ZBTB7A: variants seen among roughly 807,000 people sequenced by gnomAD.
ZBTB7A encodes the protein zinc finger and BTB domain containing 7A.
In ZBTB7A, 7 loss-of-function variants were observed where a neutral mutation model predicts 26.7. The ratio of observed to expected loss-of-function variants is 0.26; its 90% CI spans 0.15 to 0.49. The LOEUF (loss-of-function observed/expected upper bound fraction) is 0.49. ZBTB7A is among the 20% of genes least tolerant of loss of function. ZBTB7A has a pLI of 0.98. For synonymous variants in ZBTB7A, 452 were observed against 441.0 expected, an observed-to-expected ratio of 1.02 and a Z score of -0.31; for missense variants, 617 against 919.5, an observed-to-expected ratio of 0.67 and a Z score of 4.25.
chr19:4,045,990 C>T lies in ZBTB7A; in HGVS notation c.*1762G>A. The T allele has an allele frequency of 2.5e-6, 1 of 398,868 alleles. No homozygotes were observed. The highest frequency in any genetic ancestry group is 4.4e-6 in the Non-Finnish European group (1 of 226,078). The allele number at this position is 398,868 out of a possible 1,614,324, so 24.7% of individuals were successfully genotyped here. On this transcript the variant is annotated 3_prime_UTR_variant, in exon 3 of 3. Transcript: ENST00000322357. This position sits in a 1 kb window ranked among gnomAD's most constrained non-coding sequence, Gnocchi z 4.1. Reference sequence around the variant, plus strand: ...CAGGGTAGGCGCATCCAAGGTCCAGCTCCTTGGTGGCCATGCGGGAGGGAC... The same window carrying T: ...CAGGGTAGGCGCATCCAAGGTCCAGTTCCTTGGTGGCCATGCGGGAGGGAC...
intron 1 of ZBTB7A, among the ~76,000 whole-genome samples, chr19:4,064,243 C>A (rs2040668074): frequency 6.6e-6 from 1 of 152,260 alleles, no homozygotes; most frequent in Non-Finnish European, 1.5e-5. Context: ...ACCCCCCGGA[C>A]TGACCCACGA....
intron 1 of ZBTB7A, among the ~76,000 whole-genome samples, chr19:4,059,449 C>T (rs1308432234): frequency 1.3e-5 from 2 of 152,144 alleles, no homozygotes; most frequent in Non-Finnish European, 2.9e-5. Context: ...CCCTAAATAT[C>T]ACTGAGGCCC....
At chr19:4,063,596 G>A (rs757902873) in intron 1 of ZBTB7A, among the ~76,000 whole-genome samples, 49 of 152,302 alleles carry the variant, frequency 3.2e-4, no homozygotes, top group Middle Eastern at 3.4e-3. Flanking sequence ...GTCATCTTCG[G>A]ACACAGGGTT....
Position 4,047,725 on chromosome 19 carries a change from C to T in ZBTB7A, c.*27G>A, listed in dbSNP as rs376824146. The T allele has an allele frequency of 6.4e-6, 10 of 1,573,688 alleles. No individual in the cohort carries two copies. In the African/African-American group the frequency reaches 9.7e-5, roughly 15 times the overall value. On this transcript the variant is annotated 3_prime_UTR_variant, in exon 3 of 3. Transcript: ENST00000322357. Reference sequence around the variant, plus strand: ...TCTCTCTCTCTGTCTCTCTCTTTCTCGGGTTTCTGTTTTCTCTTTTTGGTT... The same window carrying T: ...TCTCTCTCTCTGTCTCTCTCTTTCTTGGGTTTCTGTTTTCTCTTTTTGGTT...
rs2040372013 is a variant in ZBTB7A, at chr19:4,043,596, C to A, written c.*4156G>T. ...CCTGGCCCCTCCAAAGTCCAAGGCA[C>A]CTCGATTCTGGGCCTGGGGTGGGGT... On this transcript the variant is annotated 3_prime_UTR_variant, in exon 3 of 3. Transcript: ENST00000322357. Among the ~76,000 whole-genome samples, 1 of 151,760 alleles carries A rather than the reference C, an allele frequency of 6.6e-6. No individual in the cohort carries two copies. The highest frequency in any genetic ancestry group is 6.6e-5 in the Admixed American group (1 of 15,244).
intron 1 of ZBTB7A, chr19:4,065,877 G>C (rs2040691028): frequency 7.0e-6 from 1 of 143,594 alleles, no homozygotes. Flanking sequence ...CCGGCCCCCG[G>C]CGAGGGGAGC....
rs1243782557 is a variant in ZBTB7A at position 4,054,581 on chromosome 19, C to T, written c.652G>A (p.Asp218Asn). The change falls in exon 2 of 3, where the codon GAC becomes AAC. Residue 218 changes from aspartate to asparagine, a missense_variant. Coordinates refer to ENST00000322357, the MANE Select transcript of ZBTB7A (RefSeq NM_015898.4). ...AVAAGDCNGL[D>N]FYGPGPPAER... The stretch of plus-strand genomic sequence containing the variant: ...GCCGGGGGGCCCGGCCCATAGAAGT[C>T]TAAGCCGTTGCAGTCGCCCGCGGCC... 5.8e-6 allele frequency: 9 copies of T among 1,552,090 alleles called. No individual in the cohort carries two copies. The highest frequency in any genetic ancestry group is 7.8e-6 in the Non-Finnish European group (9 of 1,157,864).
rs1306284937 is a variant in ZBTB7A at position 4,052,767 on chromosome 19, C to T, written c.1262+1204G>A. On this transcript the variant is annotated intron_variant, in intron 2 of 2. Coordinates refer to ENST00000322357, the MANE Select transcript of ZBTB7A (RefSeq NM_015898.4). This position sits in a 1 kb window ranked among gnomAD's most constrained non-coding sequence, Gnocchi z 4.9. ...TCCTGAGACCGAATTGCAAACTGCC[C>T]GGGCCTGGCCTTGAACTCCTGCTGT... is the stretch of plus-strand genomic sequence containing the variant. Among the ~76,000 whole-genome samples the T allele has an allele frequency of 4.6e-5, 7 of 152,190 alleles. No homozygotes were observed. Among genetic ancestry groups the T allele is most frequent in the Non-Finnish European group, 7.3e-5 (5 of 68,034 alleles).
chr19:4,047,974 G>A lies in ZBTB7A; in HGVS notation c.1533C>T (p.Ser511=). Residue 511 remains serine (S), a synonymous_variant, in exon 3 of 3, where the codon AGC becomes AGT. Coordinates refer to ENST00000322357, the MANE Select transcript of ZBTB7A (RefSeq NM_015898.4). Reference sequence around the variant, plus strand: ...CGCCGGGGGTCGCGGTGGCCCCCGGGCTGGGGTCGGGCGCCCCGCCCCGGA... The same window carrying A: ...CGCCGGGGGTCGCGGTGGCCCCCGGACTGGGGTCGGGCGCCCCGCCCCGGA... The part of the protein sequence containing the change: ...PRVRGGAPDP[S]PGATATPGAP... 3 of 1,242,250 alleles carry A rather than the reference G, an allele frequency of 2.4e-6. No individual in the cohort carries two copies. The highest frequency in any genetic ancestry group is 4.9e-5 in the South Asian group (2 of 41,086). The allele number at this position is 1,242,250 out of a possible 1,614,324, so 77.0% of individuals were successfully genotyped here. A position where few individuals can be genotyped will look rare whatever the true frequency, so the allele number is the denominator to read the frequency against.
At chr19:4,055,955 C>T (rs1444392918) in intron 1 of ZBTB7A, among the ~76,000 whole-genome samples, 1 of 152,208 alleles carries the variant, frequency 6.6e-6, no homozygotes, top group Non-Finnish European at 1.5e-5. Context: ...TGAGGATAGC[C>T]AGATGTCCCG....
Position 4,048,348 on chromosome 19 carries a change from C to T in ZBTB7A, c.1263-104G>A. Reference sequence around the variant, plus strand: ...GGCAGGCCCTGGATCATCACCCTTGCAGAACACGGACCGTGCACCAGAGGT... The same window carrying T: ...GGCAGGCCCTGGATCATCACCCTTGTAGAACACGGACCGTGCACCAGAGGT... On this transcript the variant is annotated intron_variant, in intron 2 of 2. Transcript: ENST00000322357. The surrounding 1 kb of genome is among the most constrained non-coding windows in gnomAD (Gnocchi z 6.7). 8 of 1,390,240 alleles carry T rather than the reference C, an allele frequency of 5.8e-6. No homozygotes were observed. The highest frequency in any genetic ancestry group is 6.5e-6 in the Non-Finnish European group (7 of 1,073,316). 86.1% of individuals were successfully genotyped at this position (1,390,240 alleles called of 1,614,324 possible). A position where few individuals can be genotyped will look rare whatever the true frequency, so the allele number is the denominator to read the frequency against.
At position 4,052,180 on chromosome 19, in the gene ZBTB7A, G is replaced by A. The variant is rs943035517; in HGVS notation, c.1262+1791C>T. 6.6e-6 allele frequency among the ~76,000 whole-genome samples: 1 copy of A among 152,154 alleles called. No homozygotes were observed. Among genetic ancestry groups the A allele is most frequent in the Non-Finnish European group, 1.5e-5 (1 of 68,020 alleles). Reference sequence around the variant, plus strand: ...GGGTGGGATAGCCAGCAGTGCCCGAGTCAGAATGAAACCGGGCCTGTGGCC... The same window carrying A: ...GGGTGGGATAGCCAGCAGTGCCCGAATCAGAATGAAACCGGGCCTGTGGCC... On this transcript the variant is annotated intron_variant, in intron 2 of 2. Coordinates refer to ENST00000322357, the MANE Select transcript of ZBTB7A (RefSeq NM_015898.4). This position sits in a 1 kb window ranked among gnomAD's most constrained non-coding sequence, Gnocchi z 4.9.
rs1414805206 is a variant in ZBTB7A at position 4,043,332 on chromosome 19, T to G, written c.*4420A>C. On this transcript the variant is annotated 3_prime_UTR_variant, in exon 3 of 3. Transcript: ENST00000322357. Reference sequence around the variant, plus strand: ...GTAACAGGCTGCGTTTAGTGGTTCTTTTTTTTTTTTTATGTACAAGAAAAA... The same window carrying G: ...GTAACAGGCTGCGTTTAGTGGTTCTGTTTTTTTTTTTATGTACAAGAAAAA... Among the ~76,000 whole-genome samples the G allele has an allele frequency of 6.8e-6, 1 of 146,250 alleles. No homozygotes were observed. The highest frequency in any genetic ancestry group is 1.5e-5 in the Non-Finnish European group (1 of 66,000).
intron 2 of ZBTB7A, among the ~76,000 whole-genome samples, chr19:4,053,357 G>A (rs758216998): frequency 3.9e-5 from 6 of 152,226 alleles, no homozygotes; most frequent in Non-Finnish European, 5.9e-5. Flanking sequence ...GAGGTGGGGT[G>A]TGTCTGTTTG....
chr19:4,054,765 G>A lies in ZBTB7A; in HGVS notation c.468C>T (p.Arg156=), dbSNP rs768551811. ...VDQIDQRNLL[R]AKEYLEFFQS... Reference sequence around the variant, plus strand: ...GGAAGAACTCGAGGTACTCCTTGGCGCGGAGGAGGTTGCGCTGATCAATTT... The same window carrying A: ...GGAAGAACTCGAGGTACTCCTTGGCACGGAGGAGGTTGCGCTGATCAATTT... Residue 156 remains arginine, a synonymous_variant, in exon 2 of 3, where the codon CGC becomes CGT. Transcript: ENST00000322357. 3 of 1,573,894 alleles carry A rather than the reference G, an allele frequency of 1.9e-6. No individual in the cohort carries two copies. Among genetic ancestry groups the A allele is most frequent in the Non-Finnish European group, 2.6e-6 (3 of 1,159,264 alleles).
intron 1 of ZBTB7A, among the ~76,000 whole-genome samples, chr19:4,056,162 G>T (rs1424059415): frequency 6.6e-6 from 1 of 151,824 alleles, no homozygotes; most frequent in East Asian, 1.9e-4. Context: ...AGGCAATCAG[G>T]TGTCCCACTC....
At position 4,046,887 on chromosome 19, in the gene ZBTB7A, A is replaced by G. The variant is rs1255024364; in HGVS notation, c.*865T>C. The G allele has an allele frequency of 1.5e-5, 2 of 129,912 alleles. No individual in the cohort carries two copies. Among genetic ancestry groups the G allele is most frequent in the African/African-American group, 5.7e-5 (2 of 34,908 alleles). 8.0% of individuals were successfully genotyped at this position (129,912 alleles called of 1,614,324 possible). On this transcript the variant is annotated 3_prime_UTR_variant, in exon 3 of 3. Coordinates refer to ENST00000322357, the MANE Select transcript of ZBTB7A (RefSeq NM_015898.4). ...GCTCGGGGGAGAGGACGAAGACAGA[A>G]GTTTTGAATCTCCAAACGTGGGGGT...
chr19:4,064,657 C>T (rs2040673488), intron 1 of ZBTB7A, among the ~76,000 whole-genome samples: 4 of 152,194 alleles, frequency 2.6e-5, no homozygotes, highest in Admixed American at 2.6e-4. Context: ...GGGCGGGGGG[C>T]ACTGACACGG....
intron 1 of ZBTB7A, chr19:4,065,824 G>A (rs2040690344): frequency 7.0e-6 from 1 of 142,566 alleles, no homozygotes; most frequent in Admixed American, 6.8e-5. Flanking sequence ...GGGCGGGGAG[G>A]GGGCCGGCCC....
Sources: gnomAD v4.1 joint callset for allele counts (sites outside exome capture counted in the v4.1 genomes callset) on GRCh38, gnomAD v4.1.1 for gene constraint, Gnocchi (gnomAD v3.1) non-coding constraint, MANE v1.5 for transcripts, NCBI Gene and HGNC (gene_info 2026-07-23, HGNC 2026-07-21) for gene names.